Variants in DMD observed in about 807,000 individuals in gnomAD.
DMD encodes the protein mutant dystrophin.
DMD carries 63 observed loss-of-function variants against 330.1 expected under a neutral mutation model. That is an observed-to-expected ratio of 0.19 (90% CI 0.16 to 0.24). The LOEUF (loss-of-function observed/expected upper bound fraction) is 0.24. DMD is among the 10% of genes least tolerant of loss of function. The pLI, the probability that DMD is intolerant of heterozygous loss-of-function variation, is 1.00. For missense variants in DMD, 3,344 were observed against 2,684.1 expected (o/e 1.25, Z -5.43); for synonymous variants, 1,223 against 959.8 (o/e 1.27, Z -5.07).
At chrX:31,568,558 T>C (rs1288353392) in intron 55 of DMD, among the ~76,000 whole-genome samples, 1 of 111,802 alleles carries the variant, frequency 8.9e-6, no homozygotes, top group Non-Finnish European at 1.9e-5. Flanking sequence ...GCCTACTTTA[T>C]CTGATATTAA....
intron 1 of DMD, among the ~76,000 whole-genome samples, chrX:33,086,325 A>C (rs1383258505): frequency 8.9e-6 from 1 of 112,108 alleles, no homozygotes; most frequent in African/African-American, 3.2e-5. Flanking sequence ...AAATCAGATA[A>C]TTTAGAATTT....
At chrX:31,396,781 AT>A (rs2060967905) in intron 60 of DMD, among the ~76,000 whole-genome samples, 1 of 111,638 alleles carries the variant, frequency 9.0e-6, no homozygotes, top group Non-Finnish European at 1.9e-5. Flanking sequence ...AAGGAAAATC[AT>A]TCAAAAACTG....
chrX:32,599,460 T>C (rs1385623985), intron 12 of DMD, among the ~76,000 whole-genome samples: 1 of 111,787 alleles, frequency 8.9e-6, no homozygotes, highest in East Asian at 2.8e-4. Flanking sequence ...TGCTAAAGTG[T>C]TGTAAGGCTA....
At position 32,715,427 on chromosome X, in the gene DMD, A is replaced by G. The variant is rs1163280835; in HGVS notation, c.650-16134T>C. 4.4e-5 allele frequency among the ~76,000 whole-genome samples: 4 copies of G among 90,105 alleles called. No homozygotes were observed. The East Asian group carries it at 1.5e-3, about 35-fold the overall frequency. 78.2% of individuals were successfully genotyped at this position (90,105 alleles called of 115,157 possible). Reference sequence around the variant, plus strand: ...AGGAAGTGGAGGTTGCAGTGAGCCGAGATTGTGCCACTGCACATCAGCCTG... The same window carrying G: ...AGGAAGTGGAGGTTGCAGTGAGCCGGGATTGTGCCACTGCACATCAGCCTG... On this transcript the variant is annotated intron_variant, in intron 7 of 78. Transcript: ENST00000357033.
At chrX:32,372,734 C>T (rs2097884370) in intron 34 of DMD, among the ~76,000 whole-genome samples, 3 of 111,001 alleles carry the variant, frequency 2.7e-5, no homozygotes, top group African/African-American at 6.5e-5. Flanking sequence ...AGGGCTATGT[C>T]GCTGTAGGAA....
At chrX:32,250,714 C>T (rs2097260207) in intron 43 of DMD, among the ~76,000 whole-genome samples, 1 of 111,996 alleles carries the variant, frequency 8.9e-6, no homozygotes, top group Non-Finnish European at 1.9e-5. Context: ...ACTATCACTG[C>T]TGTCTTAAGC....
intron 19 of DMD, among the ~76,000 whole-genome samples, chrX:32,498,528 C>A (rs1406854740): frequency 9.0e-5 from 10 of 110,567 alleles, no homozygotes; most frequent in Admixed American, 3.9e-4. Flanking sequence ...AGGAAAACGT[C>A]CATGTATAGT....
intron 1 of DMD, among the ~76,000 whole-genome samples, chrX:33,084,185 A>T (rs2094971472): frequency 8.9e-6 from 1 of 112,162 alleles, no homozygotes; most frequent in African/African-American, 3.2e-5. Context: ...TTAGGCAGCC[A>T]CTTGGGCTGC....
At chrX:32,564,704 A>C (rs2051475631) in intron 16 of DMD, among the ~76,000 whole-genome samples, 1 of 112,023 alleles carries the variant, frequency 8.9e-6, no homozygotes, top group Admixed American at 9.5e-5. Flanking sequence ...ATTGAAAATC[A>C]TATAGGCTGG....
chrX:31,547,140 G>A (rs965524301), intron 55 of DMD, among the ~76,000 whole-genome samples: 1 of 112,190 alleles, frequency 8.9e-6, no homozygotes, highest in Admixed American at 9.4e-5. Flanking sequence ...ATGAAATGAA[G>A]GGGATTTAAA....
chrX:31,201,961 G>A lies in DMD; in HGVS notation c.9807+2000C>T, dbSNP rs764170320. On this transcript the variant is annotated intron_variant, in intron 67 of 78. Coordinates refer to ENST00000357033, the MANE Select transcript of DMD (RefSeq NM_004006.3). The stretch of plus-strand genomic sequence containing the variant: ...TAATCCCAGCACTTTGGGAGGCCGA[G>A]GCAGGTGGATTGCTTGAGATCAGGA... Among the ~76,000 whole-genome samples, 69 of 111,772 alleles carry A rather than the reference G, an allele frequency of 6.2e-4. 2 individuals are homozygous for A. In the South Asian group the frequency reaches 0.026, roughly 42 times the overall value.
intron 17 of DMD, among the ~76,000 whole-genome samples, chrX:32,528,325 T>A (rs1343503758): frequency 9.0e-6 from 1 of 110,792 alleles, no homozygotes; most frequent in African/African-American, 3.3e-5. Context: ...GAAAAAAAAA[T>A]AACATAGCTA....
At chrX:31,529,975 A>C (rs1344274213) in intron 55 of DMD, among the ~76,000 whole-genome samples, 2 of 111,551 alleles carry the variant, frequency 1.8e-5, no homozygotes, top group African/African-American at 6.5e-5. Context: ...CTCTTAGCAA[A>C]TGACGATTAA....
intron 62 of DMD, among the ~76,000 whole-genome samples, chrX:31,301,643 T>A (rs1436283929): frequency 8.9e-6 from 1 of 112,311 alleles, no homozygotes; most frequent in Non-Finnish European, 1.9e-5. Flanking sequence ...GACATTTGGG[T>A]GGAGACACAG....
intron 2 of DMD, among the ~76,000 whole-genome samples, chrX:32,944,664 G>A (rs2090667903): frequency 9.3e-6 from 1 of 107,427 alleles, no homozygotes; most frequent in Non-Finnish European, 1.9e-5. Context: ...GAGTGCAGTG[G>A]CGAAATCTCA....
At chrX:33,311,279 G>C (rs1033422513) in intron 1 of DMD, among the ~76,000 whole-genome samples, 1 of 108,051 alleles carries the variant, frequency 9.3e-6, no homozygotes, top group African/African-American at 3.4e-5. Flanking sequence ...CCTTCATATT[G>C]CATATACATA....
intron 1 of DMD, among the ~76,000 whole-genome samples, chrX:33,174,175 A>C (rs1280499980): frequency 9.1e-6 from 1 of 110,162 alleles, no homozygotes; most frequent in African/African-American, 3.3e-5. Flanking sequence ...CTTCTCAAAG[A>C]GATTACTACC....
intron 73 of DMD, among the ~76,000 whole-genome samples, chrX:31,170,058 G>A (rs1475867475): frequency 3.6e-5 from 4 of 111,767 alleles, no homozygotes; most frequent in African/African-American, 1.3e-4. Context: ...TTTATTAAGT[G>A]GAAGGCAATG....
intron 77 of DMD, among the ~76,000 whole-genome samples, chrX:31,133,694 G>C (rs1353781977): frequency 9.0e-6 from 1 of 111,471 alleles, no homozygotes; most frequent in East Asian, 2.8e-4. Flanking sequence ...CCAATCAGTA[G>C]GCATTGTTCT....
Sources: allele counts gnomAD v4.1 joint callset (sites outside exome capture counted in the v4.1 genomes callset), GRCh38; gene constraint gnomAD v4.1.1; transcripts MANE v1.5; gene names NCBI Gene and HGNC (gene_info 2026-07-23, HGNC 2026-07-21).